Variants in RBFOX1 observed in about 807,000 individuals in gnomAD.
The protein encoded by RBFOX1 is RNA binding fox-1 homolog 1, also known as RNA binding protein fox-1 homolog 1.
RBFOX1 carries 8 observed loss-of-function variants against 57.7 expected under a neutral mutation model. The ratio of observed to expected loss-of-function variants is 0.14; its 90% CI spans 0.08 to 0.25. RBFOX1 has a LOEUF of 0.25. RBFOX1 is among the 10% of genes least tolerant of loss of function. The pLI is 1.00. For missense variants in RBFOX1, 611 were observed against 548.5 expected, an observed-to-expected ratio of 1.11 and a Z score of -1.14; for synonymous variants, 326 against 222.4, an observed-to-expected ratio of 1.47 and a Z score of -4.15.
At chr16:6,230,329 T>A (rs1319628887) in intron 1 of RBFOX1, among the ~76,000 whole-genome samples, 2 of 152,142 alleles carry the variant, frequency 1.3e-5, no homozygotes, top group South Asian at 2.1e-4. Context: ...ACAATGTTGT[T>A]ATAATTATAA....
At chr16:6,489,238 A>G (rs2095574425) in intron 2 of RBFOX1, among the ~76,000 whole-genome samples, 1 of 152,084 alleles carries the variant, frequency 6.6e-6, no homozygotes, top group Non-Finnish European at 1.5e-5. Flanking sequence ...AATTCTAACA[A>G]CCTTCCCATA....
chr16:7,125,822 C>G (rs745900733), intron 4 of RBFOX1, among the ~76,000 whole-genome samples: 1 of 152,166 alleles, frequency 6.6e-6, no homozygotes, highest in African/African-American at 2.4e-5. Context: ...GTGCCTCACA[C>G]CTGTAATCCC....
intron 4 of RBFOX1, among the ~76,000 whole-genome samples, chr16:7,478,522 C>T (rs1431217422): frequency 6.6e-6 from 1 of 152,156 alleles, no homozygotes; most frequent in African/African-American, 2.4e-5. Context: ...TCCCTGGTAC[C>T]ATGTCTGAAG....
chr16:6,395,828 G>A (rs2092806456), intron 2 of RBFOX1, among the ~76,000 whole-genome samples: 1 of 152,078 alleles, frequency 6.6e-6, no homozygotes, highest in Non-Finnish European at 1.5e-5. Context: ...AGTTTTGGGA[G>A]GCTGAGGCAG....
At chr16:6,167,977 A>G (rs1273918138) in intron 1 of RBFOX1, among the ~76,000 whole-genome samples, 2 of 152,332 alleles carry the variant, frequency 1.3e-5, no homozygotes, top group East Asian at 3.9e-4. Context: ...AAATCCAATT[A>G]TAAACTTTAA....
chr16:6,581,319 C>G (rs1296252182), intron 2 of RBFOX1, among the ~76,000 whole-genome samples: 1 of 152,210 alleles, frequency 6.6e-6, no homozygotes, highest in African/African-American at 2.4e-5. Context: ...CCCTGTGAAG[C>G]ATGAACCCAG....
intron 3 of RBFOX1, among the ~76,000 whole-genome samples, chr16:5,691,011 C>T (rs1346341764): frequency 1.3e-5 from 2 of 152,102 alleles, no homozygotes; most frequent in African/African-American, 4.8e-5. Flanking sequence ...ATCCTCTTTA[C>T]CCCAGAACAA....
chr16:5,864,089 G>A (rs986887101), intron 3 of RBFOX1, among the ~76,000 whole-genome samples: 1 of 152,054 alleles, frequency 6.6e-6, no homozygotes. Context: ...ATTGTGTATT[G>A]TTCCTTTCTA....
At chr16:7,488,658 A>G (rs1374494151) in intron 4 of RBFOX1, among the ~76,000 whole-genome samples, 2 of 152,160 alleles carry the variant, frequency 1.3e-5, no homozygotes, top group Non-Finnish European at 2.9e-5. Flanking sequence ...CTGTACGTAC[A>G]TCAATCTGTC....
At chr16:7,407,141 G>A (rs2098357279) in intron 4 of RBFOX1, among the ~76,000 whole-genome samples, 1 of 152,088 alleles carries the variant, frequency 6.6e-6, no homozygotes, top group Admixed American at 6.6e-5. Flanking sequence ...GGTGATTTGT[G>A]CGATTTTGGT....
At chr16:6,040,865 A>G (rs2095429305) in intron 1 of RBFOX1, among the ~76,000 whole-genome samples, 1 of 152,160 alleles carries the variant, frequency 6.6e-6, no homozygotes, top group Non-Finnish European at 1.5e-5. Context: ...AAGTGCTGGG[A>G]TTACAGGCTT....
At chr16:5,904,800 A>G (rs188426549) in intron 4 of RBFOX1, among the ~76,000 whole-genome samples, 46 of 151,774 alleles carry the variant, frequency 3.0e-4, no homozygotes, top group African/African-American at 1.1e-3. Flanking sequence ...ACACAGTGAA[A>G]CCCTGTCTCT....
intron 3 of RBFOX1, among the ~76,000 whole-genome samples, chr16:6,743,798 T>C (rs570369053): frequency 6.8e-5 from 9 of 132,814 alleles, no homozygotes; most frequent in African/African-American, 2.6e-4. Context: ...AAATAAATGT[T>C]CATTATTTTT....
intron 14 of RBFOX1, among the ~76,000 whole-genome samples, chr16:7,692,886 CTTA>C (rs2077670943): frequency 1.7e-5 from 2 of 117,250 alleles, no homozygotes. Flanking sequence ...AGCACTTTTT[CTTA>C]TTTTTTTTTG....
intron 5 of RBFOX1, among the ~76,000 whole-genome samples, chr16:7,545,286 C>G (rs1601468168): frequency 2.0e-5 from 3 of 151,690 alleles, no homozygotes; most frequent in Non-Finnish European, 2.9e-5. Context: ...AGACACGAAG[C>G]CCACCACTGA....
In RBFOX1 at chr16:6,774,368, A is replaced by C. The variant is rs370412558; in HGVS notation, c.-16+119718A>C. 5.3e-5 allele frequency among the ~76,000 whole-genome samples: 8 copies of C among 152,190 alleles called. No individual in the cohort carries two copies. In the East Asian group the frequency reaches 1.5e-3, roughly 29 times the overall value. On this transcript the variant is annotated intron_variant, in intron 3 of 15. Transcript: ENST00000550418. ...CATTTCTAACTGGCCAAGTCTACAC[A>C]GGCATAACAAATTGAGCAATTGTGG... is the stretch of plus-strand genomic sequence containing the variant.
At chr16:6,832,671 C>T (rs1177580288) in intron 3 of RBFOX1, among the ~76,000 whole-genome samples, 1 of 152,132 alleles carries the variant, frequency 6.6e-6, no homozygotes, top group African/African-American at 2.4e-5. Flanking sequence ...TCAGTAATTA[C>T]TTTACCCACT....
intron 4 of RBFOX1, among the ~76,000 whole-genome samples, chr16:7,106,100 C>T (rs1432587517): frequency 6.6e-6 from 1 of 152,174 alleles, no homozygotes; most frequent in Non-Finnish European, 1.5e-5. Flanking sequence ...TGAATTCCTC[C>T]TTGTCCTTTG....
At chr16:6,146,494 C>G (rs1359088490) in intron 1 of RBFOX1, among the ~76,000 whole-genome samples, 1 of 152,084 alleles carries the variant, frequency 6.6e-6, no homozygotes, top group Non-Finnish European at 1.5e-5. Flanking sequence ...AAAACCCCCT[C>G]TAGTTATGAC....
Sources: allele counts gnomAD v4.1 joint callset (sites outside exome capture counted in the v4.1 genomes callset), GRCh38; gene constraint gnomAD v4.1.1; transcripts MANE v1.5; gene names NCBI Gene and HGNC (gene_info 2026-07-23, HGNC 2026-07-21).